The following ZC3H12B variants were observed in gnomAD, a reference collection of about 807,000 sequenced individuals.
The protein encoded by ZC3H12B is probable ribonuclease ZC3H12B.
Under a neutral mutation model 43.9 loss-of-function variants are expected in ZC3H12B, and 7 were observed. The ratio of observed to expected loss-of-function variants is 0.16; its 90% CI spans 0.09 to 0.30. The LOEUF is 0.30. Among genes scored for constraint, ZC3H12B ranks in the 10% least tolerant of loss-of-function variants. ZC3H12B has a pLI of 1.00. For missense variants in ZC3H12B, 475 were observed against 670.2 expected (o/e 0.71, Z 3.22); for synonymous variants, 222 against 241.7 (o/e 0.92, Z 0.76).
chrX:65,450,802 T>TATGTGTATATATGTATATATATACAC (rs2067487473), intron 3 of ZC3H12B, among the ~76,000 whole-genome samples: 1 of 72,300 alleles, frequency 1.4e-5, no homozygotes. Flanking sequence ...TATATATACA[T>TATGTGTATATATGTATATATATACAC]ATGTGTATAT....
intron 3 of ZC3H12B, among the ~76,000 whole-genome samples, chrX:65,405,740 C>G (rs1479721827): frequency 9.0e-6 from 1 of 111,371 alleles, no homozygotes; most frequent in Non-Finnish European, 1.9e-5. Flanking sequence ...ACAAAATTGA[C>G]AAAACTTTAG....
chrX:65,318,942 G>A, the ZC3H12B span, among the ~76,000 whole-genome samples: 1 of 111,404 alleles, frequency 9.0e-6, no homozygotes. Flanking sequence ...AGATGGAATA[G>A]TATAGCACTA....
chrX:65,402,457 G>T (rs2066775037), intron 3 of ZC3H12B, among the ~76,000 whole-genome samples: 1 of 111,462 alleles, frequency 9.0e-6, no homozygotes, highest in African/African-American at 3.3e-5. Context: ...GAGTCCCAGG[G>T]CCTTGAGTGA....
intron 2 of ZC3H12B, among the ~76,000 whole-genome samples, chrX:65,389,363 C>T (rs1486416260): frequency 8.9e-6 from 1 of 112,302 alleles, no homozygotes; most frequent in Non-Finnish European, 1.9e-5. Context: ...GCCTCGCTGC[C>T]ACCTTGCAGT....
chrX:65,039,287 A>C, the ZC3H12B span, among the ~76,000 whole-genome samples: 1 of 111,696 alleles, frequency 9.0e-6, no homozygotes, highest in East Asian at 2.8e-4. Flanking sequence ...CAAGTGCACC[A>C]CTGGGATTTG....
the ZC3H12B span, among the ~76,000 whole-genome samples, chrX:65,291,657 G>A: frequency 8.9e-6 from 1 of 111,902 alleles, no homozygotes; most frequent in Admixed American, 9.5e-5. Flanking sequence ...GTGAGAATGG[G>A]TAGTTGTTAT....
At chrX:65,249,201 T>G in the ZC3H12B span, among the ~76,000 whole-genome samples, 1 of 112,147 alleles carries the variant, frequency 8.9e-6, no homozygotes, top group Admixed American at 9.5e-5. Flanking sequence ...TTCTAGAATT[T>G]TTATAGTTTC....
At chrX:65,189,295 C>T in the ZC3H12B span, among the ~76,000 whole-genome samples, 1 of 94,167 alleles carries the variant, frequency 1.1e-5, no homozygotes, top group African/African-American at 4.3e-5. Flanking sequence ...GATTTATAGT[C>T]GTTTGGGTAT....
At chrX:65,420,766 G>C (rs1343214665) in intron 3 of ZC3H12B, among the ~76,000 whole-genome samples, 1 of 111,367 alleles carries the variant, frequency 9.0e-6, no homozygotes, top group Non-Finnish European at 1.9e-5. Context: ...TAAAAAAAAA[G>C]CCAAACAAAA....
At chrX:65,309,790 CATT>C in the ZC3H12B span, among the ~76,000 whole-genome samples, 2 of 111,939 alleles carry the variant, frequency 1.8e-5, no homozygotes, top group Non-Finnish European at 3.8e-5. Context: ...AGGTCAAAAA[CATT>C]ATCCACCACG....
chrX:65,403,080 T>A (rs983882490), intron 3 of ZC3H12B, among the ~76,000 whole-genome samples: 10 of 112,027 alleles, frequency 8.9e-5, no homozygotes, highest in African/African-American at 3.2e-4. Context: ...AAACTCAAGA[T>A]AACACAGAGA....
At chrX:65,352,424 A>G in the ZC3H12B span, among the ~76,000 whole-genome samples, 1 of 109,693 alleles carries the variant, frequency 9.1e-6, no homozygotes, top group African/African-American at 3.3e-5. Context: ...ATGTAACAAA[A>G]CTGCACATTC....
At chrX:65,046,916 G>A in the ZC3H12B span, among the ~76,000 whole-genome samples, 8 of 110,915 alleles carry the variant, frequency 7.2e-5, no homozygotes, top group African/African-American at 2.6e-4. Flanking sequence ...GGAGAGAGAT[G>A]TGGGAATGGC....
At chrX:65,119,335 C>A in the ZC3H12B span, among the ~76,000 whole-genome samples, 2 of 111,508 alleles carry the variant, frequency 1.8e-5, no homozygotes, top group Non-Finnish European at 1.9e-5. Flanking sequence ...TTTTAATGAT[C>A]ACCATTCTAA....
At chrX:65,093,071 G>A in the ZC3H12B span, among the ~76,000 whole-genome samples, 4 of 112,084 alleles carry the variant, frequency 3.6e-5, no homozygotes, top group East Asian at 2.8e-4. Flanking sequence ...AGCTCCAGCT[G>A]TGTCTCAAAA....
the ZC3H12B span, among the ~76,000 whole-genome samples, chrX:65,276,390 A>G: frequency 9.0e-6 from 1 of 111,430 alleles, no homozygotes; most frequent in Admixed American, 9.5e-5. Context: ...TGCAAGACAC[A>G]TTAGAGTCAA....
chrX:65,273,493 C>T, the ZC3H12B span, among the ~76,000 whole-genome samples: 10 of 109,991 alleles, frequency 9.1e-5, no homozygotes, highest in African/African-American at 3.0e-4. Flanking sequence ...TAATGGAGTC[C>T]CAGAAAGAGA....
In ZC3H12B at chrX:65,434,233, G is replaced by A. The variant is rs139468352; in HGVS notation, n.407+35529G>A. 1.1e-3 allele frequency among the ~76,000 whole-genome samples: 122 copies of A among 111,945 alleles called. No homozygotes were observed. The Middle Eastern group carries it at 0.037, about 34-fold the overall frequency. ...AAAAGAAACCACAGAGCTCATCAAG[G>A]TTCTGGGGTTCCCCTCACAAATATA... On this transcript the variant is annotated intron_variant and non_coding_transcript_variant, in intron 3 of 5. Transcript: ENST00000617377.
At chrX:65,251,812 T>C in the ZC3H12B span, among the ~76,000 whole-genome samples, 1 of 111,562 alleles carries the variant, frequency 9.0e-6, no homozygotes, top group African/African-American at 3.3e-5. Flanking sequence ...CTGAAGTTGC[T>C]TATCAGCTTA....
Sources: gnomAD v4.1 joint callset for allele counts (sites outside exome capture counted in the v4.1 genomes callset) on GRCh38, gnomAD v4.1.1 for gene constraint, MANE v1.5 for transcripts, NCBI Gene and HGNC (gene_info 2026-07-23, HGNC 2026-07-21) for gene names.